HIRA: variants seen among roughly 807,000 people sequenced by gnomAD.
HIRA encodes the protein histone cell cycle regulator.
A neutral mutation model predicts 126.6 loss-of-function variants in HIRA; 13 were observed. The ratio of observed to expected loss-of-function variants is 0.10; its 90% confidence interval spans 0.07 to 0.16. The LOEUF (loss-of-function observed/expected upper bound fraction) is 0.16, where lower values mean the gene tolerates loss of function less well. Among genes scored for constraint, HIRA ranks in the 10% least tolerant of loss-of-function variants. The pLI is 1.00. For missense variants in HIRA, 834 were observed against 1,314.4 expected, an observed-to-expected ratio of 0.63 and a Z score of 5.65; for synonymous variants, 511 against 520.0, an observed-to-expected ratio of 0.98 and a Z score of 0.24.
In HIRA at chr22:19,416,710, T is replaced by C. The variant is rs927768988; in HGVS notation, c.38-5932A>G. Among the ~76,000 whole-genome samples the C allele has an allele frequency of 4.6e-5, 7 of 152,290 alleles. No individual in the cohort carries two copies. The South Asian group carries it at 8.3e-4, about 18-fold the overall frequency. On this transcript the variant is annotated intron_variant, in intron 1 of 24. Transcript: ENST00000263208. ...AATAAAAGAAAAATAAACTGAACTT[T>C]ATCAAAATTAAAAACTTTTGTGCAT... is the stretch of plus-strand genomic sequence containing the variant.
chr22:19,351,470 C>CA lies in HIRA; in HGVS notation c.2849-25dup, dbSNP rs782317285. ...CCCTAATTACAGAAAAACAAACAAACAACAACAACAAAAAACAAAACAGAA... is the reference window on the plus strand; with the variant it reads ...CCCTAATTACAGAAAAACAAACAAACAAACAACAACAAAAAACAAAACAGAA... On this transcript the variant is annotated intron_variant, in intron 23 of 24. Transcript: ENST00000263208. The surrounding 1 kb of genome is among the most constrained non-coding windows in gnomAD (Gnocchi z 4.8). 3 of 1,543,170 alleles carry CA rather than the reference C, an allele frequency of 1.9e-6. No homozygotes were observed. The highest frequency in any genetic ancestry group is 2.7e-6 in the Non-Finnish European group (3 of 1,122,318).
chr22:19,397,011 G>A, intron 6 of HIRA, 64 bp from the exon 7 acceptor site: 1 of 1,477,762 alleles, frequency 6.8e-7, no homozygotes, highest in South Asian at 1.2e-5. Context: ...CAATCCATGG[G>A]CCATGGGATG....
chr22:19,430,644 AG>A (rs1352392804), intron 1 of HIRA, among the ~76,000 whole-genome samples: 1 of 84,842 alleles, frequency 1.2e-5, no homozygotes, highest in Non-Finnish European at 2.4e-5. Flanking sequence ...GGGGTGGGGG[AG>A]GGGGAGGCGC....
At chr22:19,409,512 A>C (rs2089334670) in intron 2 of HIRA, among the ~76,000 whole-genome samples, 1 of 152,036 alleles carries the variant, frequency 6.6e-6, no homozygotes, top group African/African-American at 2.4e-5. Flanking sequence ...CGAACTCCTG[A>C]CCTCAGATGA....
intron 24 of HIRA, among the ~76,000 whole-genome samples, chr22:19,344,220 G>A (rs1168912727): frequency 6.6e-6 from 1 of 151,946 alleles, no homozygotes; most frequent in Non-Finnish European, 1.5e-5. Flanking sequence ...GATAATCAAT[G>A]AAACCAAAAG....
At chr22:19,427,742 T>G (rs2089499702) in intron 1 of HIRA, among the ~76,000 whole-genome samples, 1 of 152,208 alleles carries the variant, frequency 6.6e-6, no homozygotes, top group Non-Finnish European at 1.5e-5. Flanking sequence ...AAGCGCTGTC[T>G]GCCCAGGCAT....
chr22:19,397,873 A>T, intron 6 of HIRA, 119 bp downstream of exon 6: 1 of 626,560 alleles, frequency 1.6e-6, no homozygotes, highest in Non-Finnish European at 2.8e-6. Context: ...AAGACACATA[A>T]ATCCTAGGCC....
In HIRA at chr22:19,423,478, T is replaced by C. The variant is rs1365023903; in HGVS notation, c.37+7962A>G. Among the ~76,000 whole-genome samples, 6 of 110,644 alleles carry C rather than the reference T, an allele frequency of 5.4e-5. No homozygotes were observed. The East Asian group carries it at 7.6e-4, about 14-fold the overall frequency. The allele number at this position is 110,644 out of a possible 152,430, so 72.6% of individuals were successfully genotyped here. ...ACATACACACACTGACTCACACACA[T>C]GCATACACACACACACACACACACA... On this transcript the variant is annotated intron_variant, in intron 1 of 24. Coordinates refer to ENST00000263208, the MANE Select transcript of HIRA (RefSeq NM_003325.4).
chr22:19,385,944 C>T (rs2089123107), intron 11 of HIRA, among the ~76,000 whole-genome samples: 1 of 152,174 alleles, frequency 6.6e-6, no homozygotes, highest in South Asian at 2.1e-4. Context: ...ATTTTTATGG[C>T]CTCCCTTGTA....
chr22:19,414,992 C>A (rs1296924436), intron 1 of HIRA, among the ~76,000 whole-genome samples: 2 of 151,954 alleles, frequency 1.3e-5, no homozygotes, highest in African/African-American at 2.4e-5. Context: ...GTCACCCAGG[C>A]TGGAGTGCAG....
Position 19,385,520 on chromosome 22 carries a change from C to T in HIRA, c.1329+1G>A. 6.2e-7 allele frequency: 1 copy of T among 1,613,406 alleles called. No homozygotes were observed. The highest frequency in any genetic ancestry group is 8.5e-7 in the Non-Finnish European group (1 of 1,179,542). On this transcript the variant is annotated splice_donor_variant, in intron 12 of 24. Transcript: ENST00000263208. LOFTEE classifies it high-confidence loss of function. The stretch of plus-strand genomic sequence containing the variant: ...TTAGCGCCACCAGGCAGGGCTCTCA[C>T]CTTCCTGATATCTTCAAGACTCTCC...
intron 1 of HIRA, among the ~76,000 whole-genome samples, chr22:19,413,595 CTATT>C (rs376817979): frequency 0.077 from 11,058 of 143,666 alleles, 440 homozygotes; most frequent in South Asian, 0.11. Flanking sequence ...GGGAATGAAA[CTATT>C]TATTTATTTA....
intron 1 of HIRA, 52 bp from the exon 2 acceptor site, chr22:19,410,830 A>C: frequency 3.6e-6 from 5 of 1,408,178 alleles, no homozygotes; most frequent in Non-Finnish European, 5.0e-6. Flanking sequence ...TTATTCATTG[A>C]AGTGTATCAA....
At chr22:19,331,914 C>T (rs1182595921) in intron 24 of HIRA, among the ~76,000 whole-genome samples, 1 of 152,202 alleles carries the variant, frequency 6.6e-6, no homozygotes, top group Non-Finnish European at 1.5e-5. Context: ...TCAGGAGGGG[C>T]TGTTCCCTCA....
Position 19,342,192 on chromosome 22 carries a change from T to C in HIRA, c.2937+9166A>G, listed in dbSNP as rs1337587391. 2.0e-5 allele frequency among the ~76,000 whole-genome samples: 3 copies of C among 151,610 alleles called. No homozygotes were observed. The East Asian group carries it at 5.8e-4, about 29-fold the overall frequency. Reference sequence around the variant, plus strand: ...AAGATATACAAATGACCAACAAACATATGAAAAAAATGCTCAACATCACTA... The same window carrying C: ...AAGATATACAAATGACCAACAAACACATGAAAAAAATGCTCAACATCACTA... On this transcript the variant is annotated intron_variant, in intron 24 of 24. Transcript: ENST00000263208.
chr22:19,334,745 G>T (rs897652580), intron 24 of HIRA, among the ~76,000 whole-genome samples: 1 of 152,028 alleles, frequency 6.6e-6, no homozygotes, highest in South Asian at 2.1e-4. Context: ...AAGCCATTGT[G>T]TTATTACATG....
At chr22:19,347,471 C>G (rs1489411819) in intron 24 of HIRA, among the ~76,000 whole-genome samples, 1 of 152,150 alleles carries the variant, frequency 6.6e-6, no homozygotes, top group Non-Finnish European at 1.5e-5. Flanking sequence ...AACAGCCTTC[C>G]TCACTGACAA....
intron 9 of HIRA, among the ~76,000 whole-genome samples, chr22:19,388,930 C>A (rs1172719822): frequency 6.6e-6 from 1 of 152,246 alleles, no homozygotes; most frequent in Middle Eastern, 3.4e-3. Flanking sequence ...AGACACGATG[C>A]CAAAGCCTAG....
At chr22:19,363,472 C>T (rs1461984313) in intron 15 of HIRA, among the ~76,000 whole-genome samples, 2 of 151,798 alleles carry the variant, frequency 1.3e-5, no homozygotes, top group African/African-American at 4.8e-5. Context: ...TAAATAAATA[C>T]AAGAAAAGGG....
Sources: gnomAD v4.1 joint callset for allele counts (sites outside exome capture counted in the v4.1 genomes callset) on GRCh38, gnomAD v4.1.1 for gene constraint, Gnocchi (gnomAD v3.1) non-coding constraint, MANE v1.5 for transcripts, NCBI Gene and HGNC (gene_info 2026-07-23, HGNC 2026-07-21) for gene names.